Variants in HKDC1 observed in about 807,000 individuals in gnomAD.
HKDC1 encodes the protein hexokinase domain containing 1.
A neutral mutation model predicts 96.6 loss-of-function variants in HKDC1; 66 were observed. The ratio of observed to expected loss-of-function variants is 0.68; its 90% CI spans 0.56 to 0.84. The LOEUF (loss-of-function observed/expected upper bound fraction) is 0.84. HKDC1 is among the 40% of genes least tolerant of loss of function. HKDC1 has a pLI of 0.00. For missense variants in HKDC1, 1,211 were observed against 1,208.1 expected, an observed-to-expected ratio of 1.00 and a Z score of -0.04; for synonymous variants, 466 against 473.1, an observed-to-expected ratio of 0.98 and a Z score of 0.20.
At position 69,259,474 on chromosome 10, in the gene HKDC1, G is replaced by A. The variant is rs146591244; in HGVS notation, c.2216+515G>A. ...CCACATGAAAAATACTGAAAATAATGAATGGCCTAAAAAATAAATTAGAGT... is the reference window on the plus strand; with the variant it reads ...CCACATGAAAAATACTGAAAATAATAAATGGCCTAAAAAATAAATTAGAGT... On this transcript the variant is annotated intron_variant, in intron 15 of 17. Transcript: ENST00000354624. Among the ~76,000 whole-genome samples, 228 of 152,256 alleles carry A rather than the reference G, an allele frequency of 1.5e-3. 1 individual carries two copies. Among genetic ancestry groups the A allele is most frequent in the African/African-American group, 5.4e-3 (224 of 41,548 alleles).
At position 69,266,708 on chromosome 10, in the gene HKDC1, T is replaced by G; in HGVS notation, c.2705T>G (p.Leu902Arg). ...GATGGCAGTGGAAAAGGGGCAGCACTGATCACTGCTGTGGCCAAGAGGTTA... is the reference window on the plus strand; with the variant it reads ...GATGGCAGTGGAAAAGGGGCAGCACGGATCACTGCTGTGGCCAAGAGGTTA... ...SEDGSGKGAA[L>R]ITAVAKRLQQ... Residue 902 changes from leucine to arginine, a missense_variant, in exon 18 of 18, where the codon CTG becomes CGG. Coordinates refer to ENST00000354624, the MANE Select transcript of HKDC1 (RefSeq NM_025130.4). The G allele has an allele frequency of 6.2e-7, 1 of 1,614,158 alleles. No individual in the cohort carries two copies. The highest frequency in any genetic ancestry group is 8.5e-7 in the Non-Finnish European group (1 of 1,180,012).
intron 2 of HKDC1, among the ~76,000 whole-genome samples, chr10:69,229,688 AAACT>A (rs759565435): frequency 3.9e-4 from 59 of 152,230 alleles, no homozygotes; most frequent in Middle Eastern, 3.4e-3. Flanking sequence ...TTCAGAAGTG[AAACT>A]AACTAAGTCA....
rs1314604175 is a variant in HKDC1, at chr10:69,246,053, C to T, written c.876-26C>T. 9 of 1,610,734 alleles carry T rather than the reference C, an allele frequency of 5.6e-6. No homozygotes were observed. In the South Asian group the frequency reaches 9.9e-5, roughly 18 times the overall value. On this transcript the variant is annotated intron_variant, in intron 7 of 17. Coordinates refer to ENST00000354624, the MANE Select transcript of HKDC1 (RefSeq NM_025130.4). Reference sequence around the variant, plus strand: ...TGCAGCTTAATCAAAGGGGCTGCGTCCACAGATCTGTTCACCAACCTGCAG... The same window carrying T: ...TGCAGCTTAATCAAAGGGGCTGCGTTCACAGATCTGTTCACCAACCTGCAG...
intron 17 of HKDC1, among the ~76,000 whole-genome samples, chr10:69,266,223 G>C (rs112336483): frequency 0.054 from 8,248 of 152,290 alleles, 311 homozygotes; most frequent in South Asian, 0.13. Flanking sequence ...GATCACTTGA[G>C]CCCAGGAGTT....
intron 16 of HKDC1, among the ~76,000 whole-genome samples, chr10:69,263,467 G>A (rs953989345): frequency 6.6e-6 from 1 of 152,152 alleles, no homozygotes; most frequent in Non-Finnish European, 1.5e-5. Context: ...AGTGGGAATT[G>A]GTAGGTGCTG....
At chr10:69,250,765 G>A in intron 12 of HKDC1, 113 bp downstream of exon 12, 1 of 1,175,230 alleles carries the variant, frequency 8.5e-7, no homozygotes, top group South Asian at 1.4e-5. Context: ...CTTGGGTTCA[G>A]GGCAGCTGGG....
At chr10:69,243,491 T>A in intron 7 of HKDC1, 126 bp downstream of exon 7, 1 of 826,008 alleles carries the variant, frequency 1.2e-6, no homozygotes, top group Non-Finnish European at 1.7e-6. Context: ...TTTCTTTTTT[T>A]CTTTTTCCTT....
intron 16 of HKDC1, among the ~76,000 whole-genome samples, chr10:69,262,408 G>T (rs905972357): frequency 3.3e-5 from 5 of 151,938 alleles, no homozygotes; most frequent in African/African-American, 9.6e-5. Flanking sequence ...CACCATGGGC[G>T]CAGTGTTTTT....
At chr10:69,253,553 T>A (rs1843676479) in intron 12 of HKDC1, among the ~76,000 whole-genome samples, 1 of 152,174 alleles carries the variant, frequency 6.6e-6, no homozygotes. Flanking sequence ...ATTTAACTTC[T>A]CTGAGGCATG....
At position 69,240,723 on chromosome 10, in the gene HKDC1, C is replaced by A. The variant is rs1478984635; in HGVS notation, c.663C>A (p.Asp221Glu). 1 of 1,614,038 alleles carries A rather than the reference C, an allele frequency of 6.2e-7. No individual in the cohort carries two copies. The change falls in exon 6 of 18, where the codon GAC becomes GAA. Residue 221 changes from aspartate to glutamate, a missense_variant. Asp to Glu is a conservative substitution (Grantham distance 45, BLOSUM62 2). Transcript: ENST00000354624. The part of the protein sequence containing the change: ...VGTMMTCAYD[D>E]PYCEVGVIIG... The stretch of plus-strand genomic sequence containing the variant: ...CCATGATGACCTGTGCCTATGACGA[C>A]CCCTACTGCGAAGTTGGTGTCATCA...
At chr10:69,222,491 G>A (rs1843082179) in intron 1 of HKDC1, among the ~76,000 whole-genome samples, 2 of 152,212 alleles carry the variant, frequency 1.3e-5, no homozygotes, top group South Asian at 4.1e-4. Context: ...CCCCAAGGGG[G>A]AGCCTTTGGA....
At chr10:69,230,773 C>T (rs570122873) in intron 2 of HKDC1, among the ~76,000 whole-genome samples, 7 of 152,146 alleles carry the variant, frequency 4.6e-5, no homozygotes, top group Non-Finnish European at 7.4e-5. Flanking sequence ...GCCACTACGC[C>T]CAACTGACTT....
intron 2 of HKDC1, among the ~76,000 whole-genome samples, chr10:69,228,788 C>T (rs564710330): frequency 6.6e-6 from 1 of 152,166 alleles, no homozygotes; most frequent in Admixed American, 6.5e-5. Flanking sequence ...ATCACTTGAA[C>T]CTGCAAGGCA....
At chr10:69,221,939 A>T (rs1843072526) in intron 1 of HKDC1, among the ~76,000 whole-genome samples, 1 of 152,020 alleles carries the variant, frequency 6.6e-6, no homozygotes, top group Admixed American at 6.6e-5. Context: ...AGAAAAAAAA[A>T]GGCCAAGGAT....
At chr10:69,241,523 G>A (rs1319169001) in intron 6 of HKDC1, among the ~76,000 whole-genome samples, 4 of 152,042 alleles carry the variant, frequency 2.6e-5, no homozygotes, top group South Asian at 2.1e-4. Context: ...TTGCTCTGTC[G>A]TCCAGGCTGG....
intron 13 of HKDC1, 28 bp from the exon 14 acceptor site, chr10:69,257,299 T>A: frequency 6.3e-7 from 1 of 1,579,394 alleles, no homozygotes; most frequent in East Asian, 2.2e-5. Flanking sequence ...TAAAGCTGGG[T>A]TTTTTTTGTT....
At chr10:69,229,342 C>T (rs759409090) in intron 2 of HKDC1, among the ~76,000 whole-genome samples, 1 of 152,232 alleles carries the variant, frequency 6.6e-6, no homozygotes, top group Admixed American at 6.5e-5. Flanking sequence ...CCTGTGCCCT[C>T]ACTTGTGGGT....
intron 4 of HKDC1, among the ~76,000 whole-genome samples, chr10:69,233,363 T>A (rs1223890117): frequency 2.6e-5 from 4 of 152,200 alleles, no homozygotes; most frequent in Non-Finnish European, 5.9e-5. Context: ...TGCTTTTCAC[T>A]AGCTCTCAAA....
chr10:69,233,999 G>T (rs891388612), intron 4 of HKDC1, among the ~76,000 whole-genome samples: 1 of 152,098 alleles, frequency 6.6e-6, no homozygotes, highest in Non-Finnish European at 1.5e-5. Context: ...AGCTAGGCCG[G>T]GGTTCCTGGT....
Sources: gnomAD v4.1 joint callset for allele counts (sites outside exome capture counted in the v4.1 genomes callset) on GRCh38, gnomAD v4.1.1 for gene constraint, MANE v1.5 for transcripts, NCBI Gene and HGNC (gene_info 2026-07-23, HGNC 2026-07-21) for gene names.